NTF3: variants seen among roughly 807,000 people sequenced by gnomAD.
NTF3 encodes neurotrophin 3.
Under a neutral mutation model 26.3 loss-of-function variants are expected in NTF3, and 8 were observed. That is an observed-to-expected ratio of 0.30 (90% CI 0.18 to 0.55). The LOEUF is 0.55. Among genes scored for constraint, NTF3 ranks in the 20% least tolerant of loss-of-function variants. NTF3 has a pLI of 0.93. For synonymous variants in NTF3, 154 were observed against 145.5 expected (o/e 1.06, Z -0.42); for missense variants, 276 against 352.9 (o/e 0.78, Z 1.75).
chr12:5,446,073 A>T (rs1940301694), intron 1 of NTF3, among the ~76,000 whole-genome samples: 2 of 152,146 alleles, frequency 1.3e-5, no homozygotes, highest in South Asian at 4.1e-4. Flanking sequence ...ACACCTATTT[A>T]TATGTGTCAT....
At chr12:5,440,091 A>G (rs1940218852) in intron 1 of NTF3, among the ~76,000 whole-genome samples, 1 of 152,200 alleles carries the variant, frequency 6.6e-6, no homozygotes, top group South Asian at 2.1e-4. Context: ...GAAGATTGTG[A>G]CTAAAGGCTC....
intron 1 of NTF3, among the ~76,000 whole-genome samples, chr12:5,465,454 T>C (rs1470330752): frequency 1.3e-5 from 2 of 152,234 alleles, no homozygotes; most frequent in Admixed American, 6.5e-5. Flanking sequence ...AGGTAGTTTA[T>C]TCCCCAGAAG....
chr12:5,450,740 A>G (rs1436363407), intron 1 of NTF3, among the ~76,000 whole-genome samples: 1 of 152,198 alleles, frequency 6.6e-6, no homozygotes, highest in Admixed American at 6.5e-5. Flanking sequence ...AAACTTCCAC[A>G]CATTTTCTAC....
At chr12:5,478,978 A>G (rs1039526816) in intron 1 of NTF3, among the ~76,000 whole-genome samples, 1 of 152,196 alleles carries the variant, frequency 6.6e-6, no homozygotes, top group African/African-American at 2.4e-5. Context: ...GCACAATCAG[A>G]GCTTCTGAAG....
At chr12:5,489,129 G>A (rs11063711) in intron 1 of NTF3, among the ~76,000 whole-genome samples, 4,110 of 152,318 alleles carry the variant, frequency 0.027, 110 homozygotes, top group African/African-American at 0.075. Context: ...CAGATGGGCT[G>A]CACTGGAGAG....
intron 1 of NTF3, among the ~76,000 whole-genome samples, chr12:5,485,555 C>T (rs1466613125): frequency 2.6e-5 from 4 of 152,124 alleles, no homozygotes; most frequent in South Asian, 4.1e-4. Context: ...TGAAGTGTTC[C>T]GCACAGTCTA....
chr12:5,494,626 C>A lies in NTF3; in HGVS notation c.451C>A (p.Arg151=). ...GGCGAACAGAACATCACGGCGGAAA[C>A]GGTACGCGGAGCATAAGAGTCACCG... ...VVANRTSRRK[R]YAEHKSHRGE... is the part of the protein sequence containing the mutation. Residue 151 remains arginine, a synonymous_variant, in exon 2 of 2, where the codon CGG becomes AGG. Coordinates refer to ENST00000423158, the MANE Select transcript of NTF3 (RefSeq NM_001102654.2). The surrounding 1 kb of genome is among the most constrained non-coding windows in gnomAD (Gnocchi z 8.3). The A allele has an allele frequency of 3.7e-6, 6 of 1,614,080 alleles. No individual in the cohort carries two copies. The highest frequency in any genetic ancestry group is 5.1e-6 in the Non-Finnish European group (6 of 1,180,038).
At chr12:5,477,316 CCCCAGT>C (rs767970993) in intron 1 of NTF3, among the ~76,000 whole-genome samples, 36 of 152,196 alleles carry the variant, frequency 2.4e-4, no homozygotes, top group Non-Finnish European at 3.4e-4. Context: ...TAATACACAT[CCCCAGT>C]CTCTTCTTTA....
chr12:5,495,041 T>C lies in NTF3; in HGVS notation c.*53T>C, dbSNP rs112813681. The C allele has an allele frequency of 6.8e-7, 1 of 1,459,874 alleles. No individual in the cohort carries two copies. The highest frequency in any genetic ancestry group is 9.4e-7 in the Non-Finnish European group (1 of 1,066,894). 90.4% of individuals were successfully genotyped at this position (1,459,874 alleles called of 1,614,324 possible). On this transcript the variant is annotated 3_prime_UTR_variant, in exon 2 of 2. Coordinates refer to ENST00000423158, the MANE Select transcript of NTF3 (RefSeq NM_001102654.2). ...ATTACTTTAAATTATATGATATGCA[T>C]GTAGCATATAAATGTTTATATTGTT...
chr12:5,479,392 A>G (rs561699591), intron 1 of NTF3, among the ~76,000 whole-genome samples: 1 of 152,308 alleles, frequency 6.6e-6, no homozygotes, highest in South Asian at 2.1e-4. Context: ...TATCTCACAG[A>G]TACTGATACA....
chr12:5,439,321 T>C (rs1277248986), intron 1 of NTF3, among the ~76,000 whole-genome samples: 1 of 152,242 alleles, frequency 6.6e-6, no homozygotes, highest in Non-Finnish European at 1.5e-5. Context: ...ACTGAGGTTA[T>C]GTGAGGTTAA....
intron 1 of NTF3, among the ~76,000 whole-genome samples, chr12:5,465,629 C>G (rs960640556): frequency 6.6e-6 from 1 of 152,244 alleles, no homozygotes; most frequent in Non-Finnish European, 1.5e-5. Context: ...TTCGGCAAAC[C>G]TGAGGCTTAC....
At chr12:5,484,796 A>C (rs1415973947) in intron 1 of NTF3, among the ~76,000 whole-genome samples, 4 of 152,162 alleles carry the variant, frequency 2.6e-5, no homozygotes, top group Non-Finnish European at 4.4e-5. Context: ...GTCCTGTTTG[A>C]AATCCCAGTA....
chr12:5,459,007 C>T (rs1398613871), intron 1 of NTF3, among the ~76,000 whole-genome samples: 1 of 152,218 alleles, frequency 6.6e-6, no homozygotes, highest in Admixed American at 6.5e-5. Context: ...GAAAATCCCA[C>T]TCGCCCTAGA....
intron 1 of NTF3, among the ~76,000 whole-genome samples, chr12:5,471,612 G>C (rs770572717): frequency 2.0e-5 from 3 of 151,338 alleles, no homozygotes; most frequent in Non-Finnish European, 3.0e-5. Context: ...CTTCTTTGGA[G>C]ATAAGAAAAG....
At chr12:5,438,498 T>C (rs1940199897) in intron 1 of NTF3, among the ~76,000 whole-genome samples, 2 of 152,238 alleles carry the variant, frequency 1.3e-5, no homozygotes, top group Non-Finnish European at 2.9e-5. Flanking sequence ...AAATTTCGTG[T>C]GGTCTGTTGT....
At chr12:5,470,190 C>T (rs1035922919) in intron 1 of NTF3, among the ~76,000 whole-genome samples, 10 of 152,186 alleles carry the variant, frequency 6.6e-5, no homozygotes, top group Middle Eastern at 3.2e-3. Flanking sequence ...TCCCAAAGTG[C>T]TGGGATTACA....
chr12:5,483,556 G>T (rs151188582), intron 1 of NTF3, among the ~76,000 whole-genome samples: 203 of 152,302 alleles, frequency 1.3e-3, no homozygotes, highest in African/African-American at 4.8e-3. Flanking sequence ...CATTTAGGTT[G>T]ATACTATGTC....
intron 1 of NTF3, among the ~76,000 whole-genome samples, chr12:5,482,702 C>G (rs1034586766): frequency 6.6e-6 from 1 of 151,712 alleles, no homozygotes. Flanking sequence ...CTGTGTCTCT[C>G]TCCTCCTCCC....
Sources: allele counts gnomAD v4.1 joint callset (sites outside exome capture counted in the v4.1 genomes callset), GRCh38; gene constraint gnomAD v4.1.1; non-coding constraint Gnocchi (gnomAD v3.1); transcripts MANE v1.5; gene names NCBI Gene and HGNC (gene_info 2026-07-23, HGNC 2026-07-21).